The following PLCG2 variants were observed in gnomAD, a reference collection of about 807,000 sequenced individuals.
PLCG2 encodes the protein phospholipase C gamma 2, also known as 1-phosphatidylinositol 4,5-bisphosphate phosphodiesterase gamma-2.
PLCG2 carries 69 observed loss-of-function variants against 175.6 expected under a neutral mutation model. The ratio of observed to expected loss-of-function variants is 0.39; its 90% CI spans 0.32 to 0.48. PLCG2 has a LOEUF of 0.48. Among genes scored for constraint, PLCG2 ranks in the 20% least tolerant of loss-of-function variants. PLCG2 has a pLI of 0.91. For synonymous variants in PLCG2, 827 were observed against 624.0 expected (o/e 1.33, Z -4.85); for missense variants, 1,798 against 1,650.9 (o/e 1.09, Z -1.54).
intron 2 of PLCG2, among the ~76,000 whole-genome samples, chr16:81,840,290 G>T (rs1186741104): frequency 6.6e-6 from 1 of 152,144 alleles, no homozygotes; most frequent in Non-Finnish European, 1.5e-5. Context: ...GCCCATAGGT[G>T]TCTCAGAGCA....
rs1230700653 is a variant in PLCG2 at position 81,937,771 on chromosome 16, G to C, written c.3066G>C (p.Gln1022His). 6.2e-7 allele frequency: 1 copy of C among 1,613,996 alleles called. No individual in the cohort carries two copies. Reference protein sequence around the residue: ...LNFQTADKYMQMNHALFSLNG... With the variant: ...LNFQTADKYMHMNHALFSLNG... ...TTTCCTTCCCAGATAAGTACATGCA[G>C]ATGAATCACGCATTGTTTTCTCTCA... The change falls in exon 28 of 33, where the codon CAG becomes CAC. Residue 1022 changes from glutamine (Q) to histidine (H), a missense_variant. By Grantham distance (24) the Gln-to-His change is conservative. Coordinates refer to ENST00000564138, the MANE Select transcript of PLCG2 (RefSeq NM_002661.5).
intron 18 of PLCG2, among the ~76,000 whole-genome samples, chr16:81,911,056 T>C (rs1167720827): frequency 6.6e-6 from 1 of 152,148 alleles, no homozygotes; most frequent in African/African-American, 2.4e-5. Flanking sequence ...GTTCTGAAAA[T>C]GAACAAGGAA....
intron 1 of PLCG2, among the ~76,000 whole-genome samples, chr16:81,741,727 C>G (rs886311879): frequency 1.3e-5 from 2 of 152,068 alleles, no homozygotes; most frequent in Admixed American, 1.3e-4. Context: ...AAGAGAATCG[C>G]TTGAACCCGG....
chr16:81,820,634 T>G (rs1904754328), intron 2 of PLCG2, among the ~76,000 whole-genome samples: 1 of 152,218 alleles, frequency 6.6e-6, no homozygotes, highest in South Asian at 2.1e-4. Context: ...AATTTTTTTT[T>G]TTTTGAGACA....
At chr16:81,818,237 G>T (rs577894906) in intron 2 of PLCG2, among the ~76,000 whole-genome samples, 9 of 152,210 alleles carry the variant, frequency 5.9e-5, no homozygotes, top group African/African-American at 2.2e-4. Flanking sequence ...GATCAAGTCT[G>T]TGGCTCAGTC....
chr16:81,821,092 A>ATGTT (rs1904778641), intron 2 of PLCG2, among the ~76,000 whole-genome samples: 1 of 152,234 alleles, frequency 6.6e-6, no homozygotes, highest in African/African-American at 2.4e-5. Flanking sequence ...GGGTCTCATC[A>ATGTT]TGTTGGCTAG....
chr16:81,806,293 C>G (rs1366073045), intron 2 of PLCG2, among the ~76,000 whole-genome samples: 1 of 151,988 alleles, frequency 6.6e-6, no homozygotes, highest in African/African-American at 2.4e-5. Context: ...AAGGCATTCT[C>G]CATGTGGCAG....
chr16:81,931,585 A>C lies in PLCG2; in HGVS notation c.2670A>C (p.Thr890=). ...GCGATCCTCCGGTGGAGTTTGCCACAGACAGGGTGGAGGAGCTCTTTGAGT... is the reference window on the plus strand; with the variant it reads ...GCGATCCTCCGGTGGAGTTTGCCACCGACAGGGTGGAGGAGCTCTTTGAGT... ...QQGDPPVEFA[T]DRVEELFEWF... is the part of the protein sequence containing the mutation. The change falls in exon 25 of 33, where the codon ACA becomes ACC. Residue 890 remains threonine, a synonymous_variant. Transcript: ENST00000564138. 2 of 1,614,128 alleles carry C rather than the reference A, an allele frequency of 1.2e-6. No individual in the cohort carries two copies. Among genetic ancestry groups the C allele is most frequent in the African/African-American group, 1.3e-5 (1 of 75,054 alleles).
intron 21 of PLCG2, among the ~76,000 whole-genome samples, chr16:81,922,664 T>C (rs1910105976): frequency 6.6e-6 from 1 of 152,222 alleles, no homozygotes; most frequent in African/African-American, 2.4e-5. Flanking sequence ...GCCTGTGTTC[T>C]GAGGAAAAAT....
At chr16:81,932,453 G>T (rs569831025) in intron 25 of PLCG2, among the ~76,000 whole-genome samples, 18 of 152,334 alleles carry the variant, frequency 1.2e-4, no homozygotes, top group African/African-American at 3.4e-4. Context: ...GAACTGGAAA[G>T]AAATTGTAGG....
At chr16:81,750,650 A>G (rs1267876515) in intron 1 of PLCG2, among the ~76,000 whole-genome samples, 1 of 132,612 alleles carries the variant, frequency 7.5e-6, no homozygotes, top group African/African-American at 2.8e-5. Context: ...AAAAAGCAGA[A>G]TGGGGACTGG....
At chr16:81,876,092 C>A (rs1209700642) in intron 7 of PLCG2, among the ~76,000 whole-genome samples, 1 of 135,964 alleles carries the variant, frequency 7.4e-6, no homozygotes, top group Non-Finnish European at 1.5e-5. Flanking sequence ...GTGGTACAAT[C>A]ATGGCTCACT....
intron 7 of PLCG2, among the ~76,000 whole-genome samples, chr16:81,875,729 A>G (rs948924036): frequency 1.3e-5 from 2 of 152,234 alleles, no homozygotes; most frequent in Non-Finnish European, 2.9e-5. Flanking sequence ...TGGTTACAGC[A>G]TTCTTACATA....
intron 2 of PLCG2, among the ~76,000 whole-genome samples, chr16:81,831,810 T>G (rs1158452701): frequency 6.6e-6 from 1 of 152,206 alleles, no homozygotes; most frequent in African/African-American, 2.4e-5. Flanking sequence ...TCTAGCTGTC[T>G]GCAACAGGAA....
Position 81,938,821 on chromosome 16 carries a change from C to A in PLCG2, c.3219C>A (p.Leu1073=). 1 of 1,611,060 alleles carries A rather than the reference C, an allele frequency of 6.2e-7. No individual in the cohort carries two copies. The highest frequency in any genetic ancestry group is 8.5e-7 in the Non-Finnish European group (1 of 1,178,172). ...LTVKVLGARH[L]PKLGRSIACP... is the part of the protein sequence containing the mutation. ...CCCAGGTTCTCGGTGCTCGCCATCT[C>A]CCCAAACTTGGACGAAGTATTGCCT... The change falls in exon 29 of 33, where the codon CTC becomes CTA. Residue 1073 remains leucine (L), a synonymous_variant. Transcript: ENST00000564138.
At chr16:81,957,018 G>A (rs1567550045) in intron 32 of PLCG2, 139 bp downstream of exon 32, 3 of 531,052 alleles carry the variant, frequency 5.6e-6, no homozygotes, top group Admixed American at 8.4e-5. Flanking sequence ...TGGCTCACAG[G>A]CCAGGCATGG....
chr16:81,886,879 C>G (rs1250550205), intron 9 of PLCG2, among the ~76,000 whole-genome samples: 3 of 152,164 alleles, frequency 2.0e-5, no homozygotes, highest in Non-Finnish European at 4.4e-5. Context: ...TTATTCTTTG[C>G]CATTTTCACT....
At chr16:81,829,585 A>C (rs1345636429) in intron 2 of PLCG2, among the ~76,000 whole-genome samples, 1 of 152,240 alleles carries the variant, frequency 6.6e-6, no homozygotes, top group African/African-American at 2.4e-5. Context: ...CCACATCGCT[A>C]TCAAAGTTCC....
At chr16:81,814,494 AC>A (rs964307954) in intron 2 of PLCG2, among the ~76,000 whole-genome samples, 8 of 152,062 alleles carry the variant, frequency 5.3e-5, no homozygotes, top group Non-Finnish European at 7.4e-5. Context: ...GGAGTTCGAG[AC>A]CAGCCTGGCC....
Sources: gnomAD v4.1 joint callset for allele counts (sites outside exome capture counted in the v4.1 genomes callset) on GRCh38, gnomAD v4.1.1 for gene constraint, MANE v1.5 for transcripts, NCBI Gene and HGNC (gene_info 2026-07-23, HGNC 2026-07-21) for gene names.